The following MVP variants were observed in gnomAD, a reference collection of about 807,000 sequenced individuals.
MVP encodes major vault protein, also known as lung resistance-related protein.
Under a neutral mutation model 83.5 loss-of-function variants are expected in MVP, and 62 were observed. That is an observed-to-expected ratio of 0.74 (90% CI 0.61 to 0.92). The LOEUF is 0.92. MVP is among the 40% of genes least tolerant of loss of function. MVP has a pLI of 0.00. For missense variants in MVP, 1,000 were observed against 1,203.4 expected (o/e 0.83, Z 2.50); for synonymous variants, 505 against 504.1 (o/e 1.00, Z -0.02).
intron 1 of MVP, among the ~76,000 whole-genome samples, chr16:29,822,294 C>A (rs1179803836): frequency 1.3e-5 from 2 of 148,656 alleles, no homozygotes; most frequent in African/African-American, 2.5e-5. Flanking sequence ...TGTTCTGTCT[C>A]GAAAAGTTCC....
intron 1 of MVP, among the ~76,000 whole-genome samples, chr16:29,823,043 A>C (rs1489059555): frequency 6.7e-6 from 1 of 149,728 alleles, no homozygotes; most frequent in Admixed American, 6.7e-5. Flanking sequence ...CCCAGTTCCT[A>C]CTGTGCACCA....
chr16:29,835,104 C>A (rs2067475489), intron 5 of MVP: 1 of 152,182 alleles, frequency 6.6e-6, no homozygotes, highest in African/African-American at 2.4e-5. Context: ...TGCATCCAGG[C>A]ACTCTGGCTT....
At chr16:29,846,959 T>C (rs1224968065) in intron 13 of MVP, among the ~76,000 whole-genome samples, 1 of 152,020 alleles carries the variant, frequency 6.6e-6, no homozygotes, top group South Asian at 2.1e-4. Flanking sequence ...GGGAGGATCA[T>C]TTGAGGTCAG....
chr16:29,828,528 C>T (rs748813998), intron 1 of MVP, among the ~76,000 whole-genome samples: 3 of 151,914 alleles, frequency 2.0e-5, no homozygotes, highest in Admixed American at 1.3e-4. Flanking sequence ...TATAGGTACC[C>T]GCCACCACAA....
chr16:29,847,717 A>C (rs1394236659), intron 14 of MVP, 45 bp from the exon 15 acceptor site: 1 of 1,582,050 alleles, frequency 6.3e-7, no homozygotes, highest in Non-Finnish European at 8.7e-7. Flanking sequence ...TGAAGTGGCC[A>C]GGGTTTGACG....
chr16:29,841,766 G>T lies in MVP; in HGVS notation c.1362G>T (p.Lys454Asn). Reference protein sequence around the residue: ...KSLQPLAPRNKTRVVSYRVPH... With the variant: ...KSLQPLAPRNNTRVVSYRVPH... ...TCCAGCCCTTGGCGCCCCGGAACAA[G>T]ACCCGTGTGGTCAGCTACCGCGTGC... The change falls in exon 9 of 15, where the codon AAG becomes AAT. Residue 454 changes from lysine (K) to asparagine (N), a missense_variant. By Grantham distance (94) the Lys-to-Asn change is moderately conservative (BLOSUM62 0). Coordinates refer to ENST00000357402, the MANE Select transcript of MVP (RefSeq NM_005115.5). This position sits in a 1 kb window ranked among gnomAD's most constrained non-coding sequence, Gnocchi z 4.7. 1 of 1,613,700 alleles carries T rather than the reference G, an allele frequency of 6.2e-7. No individual in the cohort carries two copies. Among genetic ancestry groups the T allele is most frequent in the Non-Finnish European group, 8.5e-7 (1 of 1,179,976 alleles).
At position 29,830,338 on chromosome 16, in the gene MVP, C is replaced by T. The variant is rs1365730442; in HGVS notation, c.-35-177C>T. 7.2e-5 allele frequency: 37 copies of T among 514,704 alleles called. No individual in the cohort carries two copies. In the South Asian group the frequency reaches 7.2e-4, roughly 10 times the overall value. 31.9% of individuals were successfully genotyped at this position (514,704 alleles called of 1,614,324 possible). ...AAGGTAAGGTCAGGATGGGCTGTGT[C>T]GTCTTGGGTGGGGTGAAGACAGGGA... On this transcript the variant is annotated intron_variant, in intron 1 of 14. Coordinates refer to ENST00000357402, the MANE Select transcript of MVP (RefSeq NM_005115.5).
rs368451204 is a variant in MVP, at chr16:29,836,918, C to T, written c.869C>T (p.Pro290Leu). ...TGCGTGATTCTCGACCCTGTCGGAC[C>T]GGATGGCAAGAATCAGCTGGGGCAG... ...NYCVILDPVG[P>L]DGKNQLGQKR... The change falls in exon 7 of 15, where the codon CCG becomes CTG. Residue 290 changes from proline to leucine, a missense_variant. By Grantham distance (98) the Pro-to-Leu change is moderately conservative. Coordinates refer to ENST00000357402, the MANE Select transcript of MVP (RefSeq NM_005115.5). 1.2e-5 allele frequency: 20 copies of T among 1,613,752 alleles called. No homozygotes were observed. The highest frequency in any genetic ancestry group is 1.1e-4 in the East Asian group (5 of 44,888).
intron 1 of MVP, chr16:29,821,400 G>T (rs2067359244): frequency 6.6e-6 from 1 of 152,216 alleles, no homozygotes; most frequent in Non-Finnish European, 1.5e-5. Flanking sequence ...AGGTAGGGGG[G>T]CCACCTTGAG....
chr16:29,844,858 A>C lies in MVP; in HGVS notation c.2000A>C (p.Asn667Thr), dbSNP rs2067570255. 2 of 1,602,392 alleles carry C rather than the reference A, an allele frequency of 1.2e-6. No homozygotes were observed. The highest frequency in any genetic ancestry group is 1.7e-5 in the Admixed American group (1 of 59,846). ...SVQLAIEITT[N>T]SQEAAAKHEA... ...CAGCTGGCCATCGAGATCACCACCA[A>C]CTCCCAGGAAGCGGCGGCCAAGTAA... The change falls in exon 11 of 15, where the codon AAC (asparagine) becomes ACC (threonine). Residue 667 changes from asparagine to threonine, a missense_variant. Transcript: ENST00000357402.
chr16:29,847,475 T>C lies in MVP; in HGVS notation c.2454+90T>C, dbSNP rs969314344. On this transcript the variant is annotated intron_variant, in intron 14 of 14. Transcript: ENST00000357402. ...GCGGAAAACACAACATCTGGAAAGATTGTGGGGAAGGGAGGGGTGAGTGAC... is the reference window on the plus strand; with the variant it reads ...GCGGAAAACACAACATCTGGAAAGACTGTGGGGAAGGGAGGGGTGAGTGAC... The C allele has an allele frequency of 1.7e-5, 23 of 1,346,914 alleles. No individual in the cohort carries two copies. In the African/African-American group the frequency reaches 3.0e-4, roughly 17 times the overall value. The allele number at this position is 1,346,914 out of a possible 1,614,324, so 83.4% of individuals were successfully genotyped here. A position where few individuals can be genotyped will look rare whatever the true frequency, so the allele number is the denominator to read the frequency against.
Position 29,833,869 on chromosome 16 carries a change from T to C in MVP, c.445+13T>C, listed in dbSNP as rs535711365. 6.2e-7 allele frequency: 1 copy of C among 1,614,046 alleles called. No homozygotes were observed. The highest frequency in any genetic ancestry group is 1.3e-5 in the African/African-American group (1 of 74,998). On this transcript the variant is annotated intron_variant, in intron 4 of 14. Coordinates refer to ENST00000357402, the MANE Select transcript of MVP (RefSeq NM_005115.5). ...TTCGAGGGACCTGGTAAGTTCTGTC[T>C]CCATAGGGCTCCCTGCCTTCCTGTC...
rs905916573 is a variant in MVP at position 29,840,075 on chromosome 16, T to C, written c.910-103T>C. Reference sequence around the variant, plus strand: ...GGGTGGGGGCGGGCTTCTGGTGCTCTTGTCCTCCACACAGGCCTGAAACAG... The same window carrying C: ...GGGTGGGGGCGGGCTTCTGGTGCTCCTGTCCTCCACACAGGCCTGAAACAG... On this transcript the variant is annotated intron_variant, in intron 7 of 14. Coordinates refer to ENST00000357402, the MANE Select transcript of MVP (RefSeq NM_005115.5). 7 of 1,282,664 alleles carry C rather than the reference T, an allele frequency of 5.5e-6. No individual in the cohort carries two copies. The Middle Eastern group carries it at 7.7e-4, about 141-fold the overall frequency. The allele number at this position is 1,282,664 out of a possible 1,614,324, so 79.5% of individuals were successfully genotyped here. A position where few individuals can be genotyped will look rare whatever the true frequency, so the allele number is the denominator to read the frequency against.
At chr16:29,847,719 G>T in intron 14 of MVP, 43 bp from the exon 15 acceptor site, 1 of 1,586,938 alleles carries the variant, frequency 6.3e-7, no homozygotes. Context: ...AAGTGGCCAG[G>T]GTTTGACGCC....
Position 29,841,987 on chromosome 16 carries a change from G to T in MVP, c.1509G>T (p.Gly503=). ...TCACAGTGTTGTCCCTCTCAGCTGG[G>T]CGGCCCAAGCGTCCCCATGCCCGCC... ...EQFTVLSLSA[G]RPKRPHARRA... Residue 503 remains glycine, a synonymous_variant, in exon 10 of 15, where the codon GGG becomes GGT. Transcript: ENST00000357402. The surrounding 1 kb of genome is among the most constrained non-coding windows in gnomAD (Gnocchi z 4.7). 6.2e-7 allele frequency: 1 copy of T among 1,612,546 alleles called. No individual in the cohort carries two copies.
chr16:29,822,321 T>TA (rs58807414), intron 1 of MVP, among the ~76,000 whole-genome samples: 6,004 of 143,472 alleles, frequency 0.042, 304 homozygotes, highest in African/African-American at 0.12. Context: ...TGTGCTGCTT[T>TA]AAAAAAAAAA....
chr16:29,828,858 G>A (rs2067421118), intron 1 of MVP, among the ~76,000 whole-genome samples: 1 of 152,104 alleles, frequency 6.6e-6, no homozygotes, highest in African/African-American at 2.4e-5. Context: ...CAGGAATTGG[G>A]ATTTTGTGAA....
intron 7 of MVP, among the ~76,000 whole-genome samples, chr16:29,837,503 C>T (rs1160097334): frequency 6.6e-6 from 1 of 152,190 alleles, no homozygotes; most frequent in Admixed American, 6.5e-5. Context: ...CGTGTAATCC[C>T]AGCACTTTGG....
chr16:29,838,384 C>T (rs1040456958), intron 7 of MVP, among the ~76,000 whole-genome samples: 60 of 148,400 alleles, frequency 4.0e-4, no homozygotes, highest in Admixed American at 3.3e-3. Flanking sequence ...TGCAGTGAGC[C>T]GAGATCACAC....
Sources: allele counts gnomAD v4.1 joint callset (sites outside exome capture counted in the v4.1 genomes callset), GRCh38; gene constraint gnomAD v4.1.1; non-coding constraint Gnocchi (gnomAD v3.1); transcripts MANE v1.5; gene names NCBI Gene and HGNC (gene_info 2026-07-23, HGNC 2026-07-21).